Variants in ADCY9 observed in about 807,000 individuals in gnomAD.
The protein encoded by ADCY9 is adenylate cyclase 9.
Under a neutral mutation model 101.5 loss-of-function variants are expected in ADCY9, and 50 were observed. The observed-to-expected ratio is 0.49, with a 90% CI of 0.39 to 0.62. ADCY9 has a LOEUF of 0.62. ADCY9 is among the 20% of genes least tolerant of loss of function. The pLI is 0.00. For synonymous variants in ADCY9, 905 were observed against 769.3 expected (o/e 1.18, Z -2.92); for missense variants, 1,662 against 1,800.4 (o/e 0.92, Z 1.39).
intron 2 of ADCY9, among the ~76,000 whole-genome samples, chr16:4,061,908 T>TGAC (rs2141161159): frequency 6.6e-6 from 1 of 152,356 alleles, no homozygotes; most frequent in Non-Finnish European, 1.5e-5. Context: ...ACTGGGCTTA[T>TGAC]GACATACAAA....
intron 2 of ADCY9, among the ~76,000 whole-genome samples, chr16:4,034,389 C>T (rs1347083649): frequency 6.6e-6 from 1 of 152,124 alleles, no homozygotes; most frequent in African/African-American, 2.4e-5. Flanking sequence ...TAACCCTCTC[C>T]CCAGAAGAGG....
At chr16:4,074,931 T>C (rs1030789496) in intron 2 of ADCY9, among the ~76,000 whole-genome samples, 3 of 150,648 alleles carry the variant, frequency 2.0e-5, no homozygotes, top group Non-Finnish European at 4.4e-5. Flanking sequence ...TCCCAATACT[T>C]TTGAGAGGCT....
intron 2 of ADCY9, among the ~76,000 whole-genome samples, chr16:4,112,579 G>A (rs2057120763): frequency 6.6e-6 from 1 of 151,940 alleles, no homozygotes; most frequent in Non-Finnish European, 1.5e-5. Context: ...GTCTCTGATT[G>A]AAACTATTAC....
At chr16:4,071,204 T>C (rs570302881) in intron 2 of ADCY9, among the ~76,000 whole-genome samples, 2 of 151,358 alleles carry the variant, frequency 1.3e-5, no homozygotes, top group Admixed American at 6.6e-5. Flanking sequence ...GTGATCCATG[T>C]CTGTAATCCT....
intron 2 of ADCY9, among the ~76,000 whole-genome samples, chr16:4,105,925 C>A (rs2057074219): frequency 6.6e-6 from 1 of 152,158 alleles, no homozygotes; most frequent in Admixed American, 6.5e-5. Flanking sequence ...GTGCAGCTAT[C>A]CCTGACTGTC....
chr16:4,026,831 G>T (rs1024914302), intron 2 of ADCY9, among the ~76,000 whole-genome samples: 4 of 152,158 alleles, frequency 2.6e-5, no homozygotes, highest in African/African-American at 9.7e-5. Flanking sequence ...GGTCGGCAGG[G>T]GCCTGGAGGC....
chr16:4,030,647 G>A (rs1463147722), intron 2 of ADCY9, among the ~76,000 whole-genome samples: 2 of 151,846 alleles, frequency 1.3e-5, no homozygotes, highest in Non-Finnish European at 2.9e-5. Context: ...AGGTTGCAGT[G>A]AGTCGAGGTC....
intron 2 of ADCY9, among the ~76,000 whole-genome samples, chr16:4,074,704 A>G (rs2056856152): frequency 1.5e-5 from 2 of 137,742 alleles, no homozygotes; most frequent in South Asian, 4.7e-4. Context: ...ATGACAGGGC[A>G]ATACCCAGTG....
chr16:4,114,924 C>T lies in ADCY9; in HGVS notation c.519G>A (p.Ala173=), dbSNP rs772921174. 3.0e-5 allele frequency: 48 copies of T among 1,613,792 alleles called. No individual in the cohort carries two copies. The highest frequency in any genetic ancestry group is 1.7e-4 in the Admixed American group (10 of 60,006). The change falls in exon 2 of 11, where the codon GCG becomes GCA. Residue 173 remains alanine (A), a synonymous_variant. Transcript: ENST00000294016. The surrounding 1 kb of genome is among the most constrained non-coding windows in gnomAD (Gnocchi z 4.3). ...TFTKLYARHY[A]WTSLALTLLV... ...GCAGGGTGAGAGCCAGCGAGGTCCACGCGTAATGCCGGGCGTACAGCTTGG... is the reference window on the plus strand; with the variant it reads ...GCAGGGTGAGAGCCAGCGAGGTCCATGCGTAATGCCGGGCGTACAGCTTGG...
intron 2 of ADCY9, among the ~76,000 whole-genome samples, chr16:4,064,093 A>G (rs1446918416): frequency 6.6e-6 from 1 of 152,260 alleles, no homozygotes; most frequent in Non-Finnish European, 1.5e-5. Flanking sequence ...ACATGTTCAT[A>G]AGATACAAAA....
At chr16:3,998,140 A>G (rs957279227) in intron 3 of ADCY9, among the ~76,000 whole-genome samples, 1 of 152,040 alleles carries the variant, frequency 6.6e-6, no homozygotes, top group Non-Finnish European at 1.5e-5. Context: ...CTTTCAAACA[A>G]ATGAAACAAA....
intron 3 of ADCY9, among the ~76,000 whole-genome samples, chr16:4,003,269 G>A (rs746635781): frequency 6.6e-6 from 1 of 152,154 alleles, no homozygotes; most frequent in Non-Finnish European, 1.5e-5. Flanking sequence ...AATCGGAACC[G>A]TGGAGAAGAT....
intron 2 of ADCY9, among the ~76,000 whole-genome samples, chr16:4,048,675 C>T (rs1454675264): frequency 1.3e-5 from 2 of 152,154 alleles, no homozygotes; most frequent in Non-Finnish European, 2.9e-5. Flanking sequence ...AGCGATGCCC[C>T]ACTCCCTTCT....
chr16:3,967,338 TTTTC>T (rs141475061), intron 10 of ADCY9, among the ~76,000 whole-genome samples: 2,606 of 147,206 alleles, frequency 0.018, 76 homozygotes, highest in African/African-American at 0.06. Context: ...TTTCTTTTCT[TTTTC>T]TTTTTCTTTT....
chr16:4,114,709 C>T lies in ADCY9; in HGVS notation c.734G>A (p.Ser245Asn), dbSNP rs1433462978. The T allele has an allele frequency of 5.0e-6, 8 of 1,613,160 alleles. No homozygotes were observed. In the African/African-American group the frequency reaches 5.3e-5, roughly 11 times the overall value. Residue 245 changes from serine to asparagine, a missense_variant, in exon 2 of 11, where the codon AGT (serine) becomes AAT (asparagine). Transcript: ENST00000294016. The surrounding 1 kb of genome is among the most constrained non-coding windows in gnomAD (Gnocchi z 4.3). ...YTVMHLPLYLSLCLGVAYSVL... is the reference protein window; with the variant it reads ...YTVMHLPLYLNLCLGVAYSVL... ...AGAGTAGGCCACCCCCAGACACAAACTCAGGTACAAAGGTAAGTGCATGAC... is the reference window on the plus strand; with the variant it reads ...AGAGTAGGCCACCCCCAGACACAAATTCAGGTACAAAGGTAAGTGCATGAC...
At chr16:3,980,413 T>C (rs2056131312) in intron 7 of ADCY9, among the ~76,000 whole-genome samples, 1 of 152,126 alleles carries the variant, frequency 6.6e-6, no homozygotes, top group South Asian at 2.1e-4. Context: ...GAAGAGAAGG[T>C]GTGGGGTCCT....
chr16:4,034,861 T>G (rs1442159855), intron 2 of ADCY9, among the ~76,000 whole-genome samples: 2 of 152,202 alleles, frequency 1.3e-5, no homozygotes, highest in East Asian at 3.8e-4. Flanking sequence ...CCTTGCCGGC[T>G]GGAAGCAAGA....
intron 2 of ADCY9, among the ~76,000 whole-genome samples, chr16:4,027,573 C>G (rs542308407): frequency 3.3e-5 from 5 of 152,126 alleles, no homozygotes; most frequent in Admixed American, 6.5e-5. Context: ...AGGGGAACTC[C>G]TCTTTATAAA....
Position 4,114,197 on chromosome 16 carries a change from C to T in ADCY9, c.1246G>A (p.Val416Met). ...MSANKSAHAL[V>M]GLLNDLFGRF... Reference sequence around the variant, plus strand: ...CCGAACAGATCGTTCAGGAGACCCACCAGGGCGTGGGCAGACTTGTTGGCA... The same window carrying T: ...CCGAACAGATCGTTCAGGAGACCCATCAGGGCGTGGGCAGACTTGTTGGCA... The change falls in exon 2 of 11, where the codon GTG (valine) becomes ATG (methionine). Residue 416 changes from valine to methionine, a missense_variant. This residue lies in a region of ADCY9 where 228 missense variants were observed against 301.1 expected (regional missense o/e 0.76). Transcript: ENST00000294016. The surrounding 1 kb of genome is among the most constrained non-coding windows in gnomAD (Gnocchi z 4.3). The T allele has an allele frequency of 6.2e-7, 1 of 1,613,984 alleles. No individual in the cohort carries two copies. Among genetic ancestry groups the T allele is most frequent in the Non-Finnish European group, 8.5e-7 (1 of 1,180,042 alleles).
Sources: allele counts gnomAD v4.1 joint callset (sites outside exome capture counted in the v4.1 genomes callset), GRCh38; gene constraint gnomAD v4.1.1; regional missense constraint gnomAD v4.1.1; non-coding constraint Gnocchi (gnomAD v3.1); transcripts MANE v1.5; gene names NCBI Gene and HGNC (gene_info 2026-07-23, HGNC 2026-07-21).